The following TMED10 variants were observed in gnomAD, a reference collection of about 807,000 sequenced individuals.
The protein encoded by TMED10 is transmembrane p24 trafficking protein 10.
In TMED10, 7 loss-of-function variants were observed where a neutral mutation model predicts 23.1. That is an observed-to-expected ratio of 0.30 (90% CI 0.17 to 0.57). The LOEUF is 0.57. Among genes scored for constraint, TMED10 ranks in the 20% least tolerant of loss-of-function variants. TMED10 has a pLI of 0.91. For synonymous variants in TMED10, 113 were observed against 106.9 expected (o/e 1.06, Z -0.35); for missense variants, 162 against 274.8 (o/e 0.59, Z 2.90).
intron 1 of TMED10, among the ~76,000 whole-genome samples, chr14:75,169,724 C>T (rs1042477646): frequency 6.6e-6 from 1 of 152,186 alleles, no homozygotes; most frequent in Non-Finnish European, 1.5e-5. Context: ...GGTTCTGCAC[C>T]AGTCTCCAGT....
intron 3 of TMED10, among the ~76,000 whole-genome samples, chr14:75,145,786 C>CAATAAATA (rs994371666): frequency 6.6e-6 from 1 of 151,930 alleles, no homozygotes; most frequent in Non-Finnish European, 1.5e-5. Flanking sequence ...GACTCCATCT[C>CAATAAATA]AATAAATAAA....
intron 3 of TMED10, among the ~76,000 whole-genome samples, chr14:75,144,666 A>G (rs549824992): frequency 1.3e-5 from 2 of 152,376 alleles, no homozygotes; most frequent in South Asian, 4.1e-4. Context: ...AGTATGCCAC[A>G]TTCCCGAATC....
intron 3 of TMED10, among the ~76,000 whole-genome samples, chr14:75,137,696 GTTTC>G (rs143329685): frequency 4.0e-4 from 50 of 125,836 alleles, no homozygotes; most frequent in African/African-American, 1.3e-3. Flanking sequence ...AAAAAATTCT[GTTTC>G]TTTCTTTCTT....
chr14:75,146,908 CAGAT>C (rs35810783), intron 3 of TMED10, among the ~76,000 whole-genome samples: 4,117 of 149,578 alleles, frequency 0.028, 123 homozygotes, highest in East Asian at 0.14. Flanking sequence ...ATCCATGCCC[CAGAT>C]AGATAGATAG....
chr14:75,172,842 A>ATAACACT, intron 1 of TMED10, among the ~76,000 whole-genome samples: 1 of 152,340 alleles, frequency 6.6e-6, no homozygotes, highest in East Asian at 1.9e-4. Context: ...ACTATTCCCT[A>ATAACACT]TAACACTGAA....
chr14:75,148,549 G>A (rs755377132), intron 2 of TMED10, among the ~76,000 whole-genome samples: 1 of 152,032 alleles, frequency 6.6e-6, no homozygotes. Context: ...GACCCAAGGA[G>A]CCCCAGAAAA....
At chr14:75,164,227 G>A (rs1014614905) in intron 1 of TMED10, among the ~76,000 whole-genome samples, 2 of 145,280 alleles carry the variant, frequency 1.4e-5, no homozygotes, top group Non-Finnish European at 3.0e-5. Flanking sequence ...CACCATGCCC[G>A]GCTTTTTTTT....
chr14:75,152,594 T>G (rs1301137316), intron 1 of TMED10, among the ~76,000 whole-genome samples: 1 of 151,938 alleles, frequency 6.6e-6, no homozygotes, highest in East Asian at 1.9e-4. Context: ...GGGGTGTGGG[T>G]GGAGAATAAA....
intron 1 of TMED10, among the ~76,000 whole-genome samples, chr14:75,175,620 T>G (rs1268090184): frequency 6.6e-6 from 1 of 151,882 alleles, no homozygotes; most frequent in Non-Finnish European, 1.5e-5. Flanking sequence ...AGGGATAGCA[T>G]TAGGAGACAT....
rs1321893443 is a variant in TMED10 at position 75,147,647 on chromosome 14, G to A, written c.411+17C>T. 11 of 1,613,872 alleles carry A rather than the reference G, an allele frequency of 6.8e-6. No homozygotes were observed. The highest frequency in any genetic ancestry group is 2.2e-5 in the East Asian group (1 of 44,878). ...TAGCACACTGCTGCCTCCTCTGGCT[G>A]TTAGAGCAGGACATACCTCTTCGTA... On this transcript the variant is annotated intron_variant, in intron 3 of 4. Coordinates refer to ENST00000303575, the MANE Select transcript of TMED10 (RefSeq NM_006827.6).
intron 1 of TMED10, among the ~76,000 whole-genome samples, chr14:75,158,867 T>C (rs553766603): frequency 1.3e-5 from 2 of 152,156 alleles, no homozygotes; most frequent in South Asian, 4.1e-4. Context: ...GAGGTTGTGG[T>C]GAGTCGCGAT....
intron 1 of TMED10, among the ~76,000 whole-genome samples, chr14:75,166,963 A>C: frequency 7.5e-6 from 1 of 133,064 alleles, no homozygotes; most frequent in Non-Finnish European, 1.6e-5. Flanking sequence ...TTTTTTTGAG[A>C]CGGAGTCTCA....
At chr14:75,152,885 C>A (rs1012310592) in intron 1 of TMED10, among the ~76,000 whole-genome samples, 7 of 151,922 alleles carry the variant, frequency 4.6e-5, no homozygotes, top group Non-Finnish European at 5.9e-5. Context: ...TTTGGGAGGC[C>A]GAGGCGGATG....
chr14:75,134,817 G>T lies in TMED10; in HGVS notation c.*68C>A. On this transcript the variant is annotated 3_prime_UTR_variant, in exon 5 of 5. Coordinates refer to ENST00000303575, the MANE Select transcript of TMED10 (RefSeq NM_006827.6). ...ATGGTGCTGTTGGTAGGATGCCTTA[G>T]GCCAGGCACGTCCCAGCGATGTTCT... The T allele has an allele frequency of 6.2e-7, 1 of 1,601,558 alleles. No individual in the cohort carries two copies. The highest frequency in any genetic ancestry group is 8.5e-7 in the Non-Finnish European group (1 of 1,171,552).
At chr14:75,170,122 G>A (rs959051459) in intron 1 of TMED10, among the ~76,000 whole-genome samples, 1 of 152,146 alleles carries the variant, frequency 6.6e-6, no homozygotes, top group Non-Finnish European at 1.5e-5. Flanking sequence ...AGCTACTTGG[G>A]AGGCTGAGGC....
At chr14:75,169,089 G>A (rs1253020184) in intron 1 of TMED10, among the ~76,000 whole-genome samples, 1 of 152,136 alleles carries the variant, frequency 6.6e-6, no homozygotes, top group Non-Finnish European at 1.5e-5. Flanking sequence ...CAGAGATGAG[G>A]CAAAGACAGT....
intron 3 of TMED10, among the ~76,000 whole-genome samples, chr14:75,143,933 CAAAA>C (rs5809695): frequency 3.2e-5 from 4 of 126,208 alleles, no homozygotes; most frequent in African/African-American, 9.3e-5. Flanking sequence ...TACTCTGTCT[CAAAA>C]AAAAAAAAAA....
intron 3 of TMED10, among the ~76,000 whole-genome samples, chr14:75,141,587 C>T (rs909831714): frequency 9.9e-5 from 15 of 152,128 alleles, no homozygotes; most frequent in African/African-American, 3.6e-4. Flanking sequence ...TTAAGTTTTG[C>T]AGATGAGGAA....
At chr14:75,142,258 T>C (rs1198672920) in intron 3 of TMED10, among the ~76,000 whole-genome samples, 1 of 152,192 alleles carries the variant, frequency 6.6e-6, no homozygotes, top group African/African-American at 2.4e-5. Context: ...GATGTTATAG[T>C]TACAAGGTGC....
Sources: gnomAD v4.1 joint callset for allele counts (sites outside exome capture counted in the v4.1 genomes callset) on GRCh38, gnomAD v4.1.1 for gene constraint, MANE v1.5 for transcripts, NCBI Gene and HGNC (gene_info 2026-07-23, HGNC 2026-07-21) for gene names.